Variants in DNAH17 observed in about 807,000 individuals in gnomAD.
The protein encoded by DNAH17 is axonemal beta dynein heavy chain 17.
Under a neutral mutation model 485.6 loss-of-function variants are expected in DNAH17, and 376 were observed. That is an observed-to-expected ratio of 0.77 (90% CI 0.71 to 0.84). DNAH17 has a LOEUF of 0.84. Ranked by LOEUF, DNAH17 falls within the 40% of genes least tolerant of loss-of-function variation. The pLI is 0.00. For synonymous variants in DNAH17, 3,031 were observed against 2,405.9 expected, an observed-to-expected ratio of 1.26 and a Z score of -7.60; for missense variants, 6,370 against 5,839.3, an observed-to-expected ratio of 1.09 and a Z score of -2.96.
chr17:78,487,287 G>C lies in DNAH17; in HGVS notation c.6819-781C>G, dbSNP rs116684900. Among the ~76,000 whole-genome samples, 753 of 152,272 alleles carry C rather than the reference G, an allele frequency of 4.9e-3. 2 individuals carry two copies. Among genetic ancestry groups the C allele is most frequent in the African/African-American group, 0.017 (697 of 41,554 alleles). On this transcript the variant is annotated intron_variant, in intron 44 of 80. Coordinates refer to ENST00000389840, the MANE Select transcript of DNAH17 (RefSeq NM_173628.4). ...CTGTAAACAGGGGTGATGTTTCCAT[G>C]ACCCTCATTTCCAAGGACTACATGG...
intron 17 of DNAH17, among the ~76,000 whole-genome samples, chr17:78,541,929 G>T (rs1232324812): frequency 6.6e-6 from 1 of 152,082 alleles, no homozygotes; most frequent in Non-Finnish European, 1.5e-5. Flanking sequence ...GATGGGAACT[G>T]GGAATGAGGC....
In DNAH17 at chr17:78,571,678, G is replaced by A. The variant is rs377492773; in HGVS notation, c.644C>T (p.Ala215Val). 59 of 1,613,902 alleles carry A rather than the reference G, an allele frequency of 3.7e-5. No homozygotes were observed. The highest frequency in any genetic ancestry group is 5.3e-5 in the African/African-American group (4 of 74,936). ...RDVLSKDSAQ[A>V]LLDGLHPLPQ... Reference sequence around the variant, plus strand: ...CAGGGGGTGCAGCCCATCCAGCAGCGCCTGGGCTGAGTCTTTGCTCAGCAC... The same window carrying A: ...CAGGGGGTGCAGCCCATCCAGCAGCACCTGGGCTGAGTCTTTGCTCAGCAC... The change falls in exon 4 of 81, where the codon GCG (alanine) becomes GTG (valine). Residue 215 changes from alanine to valine, a missense_variant. Ala to Val is a moderately conservative substitution (Grantham distance 64, BLOSUM62 0). Coordinates refer to ENST00000389840, the MANE Select transcript of DNAH17 (RefSeq NM_173628.4).
At position 78,560,915 on chromosome 17, in the gene DNAH17, G is replaced by A. The variant is rs1166733127; in HGVS notation, c.1856C>T (p.Ala619Val). 1.3e-5 allele frequency: 20 copies of A among 1,550,098 alleles called. No homozygotes were observed. Among genetic ancestry groups the A allele is most frequent in the Admixed American group, 5.9e-5 (3 of 50,972 alleles). The change falls in exon 13 of 81, where the codon GCC becomes GTC. Residue 619 changes from alanine (A) to valine (V), a missense_variant. Coordinates refer to ENST00000389840, the MANE Select transcript of DNAH17 (RefSeq NM_173628.4). ...GTCATACTTCTGATAGGTCAGCTTG[G>A]CCTCTGCTCCAGACATGACCCTGGA... ...VEHPVMSGAE[A>V]KLTYQKYDEM... is the part of the protein sequence containing the mutation.
intron 57 of DNAH17, among the ~76,000 whole-genome samples, chr17:78,462,443 C>A (rs1255895711): frequency 3.3e-5 from 5 of 152,048 alleles, no homozygotes; most frequent in African/African-American, 9.7e-5. Context: ...CAGGCAGAAC[C>A]CTTCAAGATC....
Position 78,433,935 on chromosome 17 carries a change from G to A in DNAH17, c.12225+94C>T, listed in dbSNP as rs952494487. On this transcript the variant is annotated intron_variant, in intron 75 of 80. Transcript: ENST00000389840. ...GGAAAGGGAGGGAAGGAAGGAGGGA[G>A]GGAAGGAGGGAGGGAAGGAGGGAGG... 310 of 873,826 alleles carry A rather than the reference G, an allele frequency of 3.5e-4. No homozygotes were observed. The African/African-American group carries it at 3.8e-3, about 11-fold the overall frequency. The allele number at this position is 873,826 out of a possible 1,614,324, so 54.1% of individuals were successfully genotyped here.
rs777284434 is a variant in DNAH17, at chr17:78,428,651, G to T, written c.12462C>A (p.Gly4154=). ...AGCCAATCTCTGCGTTGGGGTGCAG[G>T]CCATACAGATAGGGACTCTCAGGGG... The part of the protein sequence containing the change: ...NLPPESPYLY[G]LHPNAEIGFL... Residue 4154 remains glycine, a synonymous_variant, in exon 77 of 81, where the codon GGC becomes GGA. Coordinates refer to ENST00000389840, the MANE Select transcript of DNAH17 (RefSeq NM_173628.4). 6.2e-7 allele frequency: 1 copy of T among 1,613,990 alleles called. No homozygotes were observed. Among genetic ancestry groups the T allele is most frequent in the African/African-American group, 1.3e-5 (1 of 75,038 alleles).
chr17:78,561,137 G>A (rs1454983823), intron 12 of DNAH17, among the ~76,000 whole-genome samples: 2 of 152,090 alleles, frequency 1.3e-5, no homozygotes, highest in African/African-American at 4.8e-5. Context: ...GCAGCCACCA[G>A]CCCAGGAGGC....
At chr17:78,436,642 G>C (rs1252380404) in intron 74 of DNAH17, among the ~76,000 whole-genome samples, 1 of 151,922 alleles carries the variant, frequency 6.6e-6, no homozygotes, top group Non-Finnish European at 1.5e-5. Context: ...TCAGGAGTTT[G>C]AGACCAGCCT....
At chr17:78,498,963 C>G in intron 37 of DNAH17, 45 bp downstream of exon 37, 1 of 1,467,180 alleles carries the variant, frequency 6.8e-7, no homozygotes. Context: ...AGCTGACGAG[C>G]CAGTCACCCG....
rs1157290027 is a variant in DNAH17, at chr17:78,466,293, C to T, written c.8940+362G>A. ...CAAGTACCCAGGGACACAAACACTGCCGAAGGCCGGAAGGCCTCAGGGTCC... is the reference window on the plus strand; with the variant it reads ...CAAGTACCCAGGGACACAAACACTGTCGAAGGCCGGAAGGCCTCAGGGTCC... On this transcript the variant is annotated intron_variant, in intron 56 of 80. Coordinates refer to ENST00000389840, the MANE Select transcript of DNAH17 (RefSeq NM_173628.4). Among the ~76,000 whole-genome samples, 4 of 152,274 alleles carry T rather than the reference C, an allele frequency of 2.6e-5. No individual in the cohort carries two copies. The East Asian group carries it at 7.7e-4, about 29-fold the overall frequency.
rs373502157 is a variant in DNAH17, at chr17:78,427,124, C to G, written c.12589-16G>C. The G allele has an allele frequency of 1.3e-5, 20 of 1,560,272 alleles. 1 individual carries two copies. In the East Asian group the frequency reaches 4.8e-4, roughly 38 times the overall value. On this transcript the variant is annotated splice_polypyrimidine_tract_variant and intron_variant, in intron 77 of 80. Transcript: ENST00000389840. ...CGGCCTTCACCTGGAAGCCAGTCCCCGGACAGCCCCTGTCACTGCAAAGAG... is the reference window on the plus strand; with the variant it reads ...CGGCCTTCACCTGGAAGCCAGTCCCGGGACAGCCCCTGTCACTGCAAAGAG...
intron 48 of DNAH17, among the ~76,000 whole-genome samples, chr17:78,483,824 C>T (rs1387558322): frequency 6.6e-6 from 1 of 151,216 alleles, no homozygotes; most frequent in Non-Finnish European, 1.5e-5. Context: ...TGGCTGGGCA[C>T]GGTGGCTCAC....
At position 78,510,411 on chromosome 17, in the gene DNAH17, C is replaced by G; in HGVS notation, c.4209G>C (p.Lys1403Asn). 4 of 1,613,470 alleles carry G rather than the reference C, an allele frequency of 2.5e-6. No individual in the cohort carries two copies. The highest frequency in any genetic ancestry group is 3.4e-6 in the Non-Finnish European group (4 of 1,179,704). Residue 1403 changes from lysine to asparagine, a missense_variant, in exon 27 of 81, where the codon AAG (lysine) becomes AAC (asparagine). By Grantham distance (94) the Lys-to-Asn change is moderately conservative (BLOSUM62 0). Transcript: ENST00000389840. The part of the protein sequence containing the change: ...YEDEVRNIVD[K>N]AVKESGMEKV... ...TTTCCATGCCCGACTCCTTCACGGC[C>G]TTGTCCACGATGTTGCGGACCTCAT...
chr17:78,507,298 T>A lies in DNAH17; in HGVS notation c.4656A>T (p.Lys1552Asn). The A allele has an allele frequency of 6.2e-7, 1 of 1,613,920 alleles. No homozygotes were observed. The highest frequency in any genetic ancestry group is 8.5e-7 in the Non-Finnish European group (1 of 1,179,874). ...EATSKPGLYN[K>N]LEALKKSLAI... ...CGCACCTCTTCTTCAGGGCCTCCAG[T>A]TTATTGTAGAGGCCGGGTTTGCTGG... is the stretch of plus-strand genomic sequence containing the variant. The change falls in exon 29 of 81, where the codon AAA (lysine) becomes AAT (asparagine). Residue 1552 changes from lysine to asparagine, a missense_variant. Coordinates refer to ENST00000389840, the MANE Select transcript of DNAH17 (RefSeq NM_173628.4).
At chr17:78,517,357 G>C (rs2090815339) in intron 25 of DNAH17, among the ~76,000 whole-genome samples, 1 of 152,138 alleles carries the variant, frequency 6.6e-6, no homozygotes, top group South Asian at 2.1e-4. Context: ...TTTGAAAAAA[G>C]TTCATTCAAA....
Position 78,491,563 on chromosome 17 carries a change from G to C in DNAH17, c.6549C>G (p.Phe2183Leu), listed in dbSNP as rs771031641. 1.2e-6 allele frequency: 2 copies of C among 1,613,920 alleles called. No homozygotes were observed. The highest frequency in any genetic ancestry group is 1.7e-6 in the Non-Finnish European group (2 of 1,179,886). ...PVTREWKDGL[F>L]STIMRDLANI... ...TGGCCAGGTCTCGCATGATGGTGGA[G>C]AACAGGCCTGGGGGAGGCGCGTGGT... The change falls in exon 43 of 81, where the codon TTC becomes TTG. Residue 2183 changes from phenylalanine to leucine, a missense_variant. Transcript: ENST00000389840.
chr17:78,442,039 C>A (rs1006517188), intron 71 of DNAH17, among the ~76,000 whole-genome samples: 1 of 151,564 alleles, frequency 6.6e-6, no homozygotes, highest in African/African-American at 2.4e-5. Context: ...GGTGAGATGG[C>A]GCCATTGCAC....
chr17:78,510,355 GCA>G lies in DNAH17; in HGVS notation c.4236+27_4236+28del, dbSNP rs2090600259. 6 of 1,609,208 alleles carry G rather than the reference GCA, an allele frequency of 3.7e-6. No individual in the cohort carries two copies. The African/African-American group carries it at 6.7e-5, about 18-fold the overall frequency. On this transcript the variant is annotated intron_variant, in intron 27 of 80. Coordinates refer to ENST00000389840, the MANE Select transcript of DNAH17 (RefSeq NM_173628.4). ...GGCAGTTTCAGGCTGATCCCACGTT[GCA>G]CAGACAGCACCGCCAGCACGGCCTA...
At chr17:78,572,659 T>TTC in intron 3 of DNAH17, 42 bp downstream of exon 3, 1 of 1,529,966 alleles carries the variant, frequency 6.5e-7, no homozygotes, top group Admixed American at 2.0e-5. Context: ...CATGTGCCTC[T>TTC]TCCCCACCCA....
Sources: gnomAD v4.1 joint callset for allele counts (sites outside exome capture counted in the v4.1 genomes callset) on GRCh38, gnomAD v4.1.1 for gene constraint, MANE v1.5 for transcripts, NCBI Gene and HGNC (gene_info 2026-07-23, HGNC 2026-07-21) for gene names.